The following PIP5K1B variants were observed in gnomAD, a reference collection of about 807,000 sequenced individuals.
PIP5K1B encodes phosphatidylinositol-4-phosphate 5-kinase type 1 beta.
PIP5K1B carries 42 observed loss-of-function variants against 67.0 expected under a neutral mutation model. The observed-to-expected ratio is 0.63, with a 90% CI of 0.49 to 0.81. The LOEUF is 0.81. Ranked by LOEUF, PIP5K1B falls within the 30% of genes least tolerant of loss-of-function variation. The pLI is 0.00. For missense variants in PIP5K1B, 459 were observed against 646.3 expected (o/e 0.71, Z 3.14); for synonymous variants, 214 against 231.4 (o/e 0.92, Z 0.68).
At chr9:68,837,479 A>T (rs184504672) in intron 4 of PIP5K1B, among the ~76,000 whole-genome samples, 12 of 152,122 alleles carry the variant, frequency 7.9e-5, no homozygotes, top group African/African-American at 2.9e-4. Flanking sequence ...TTATTGATTT[A>T]TGTGTATTAT....
At chr9:68,779,559 C>G (rs1587431546) in intron 2 of PIP5K1B, among the ~76,000 whole-genome samples, 1 of 152,326 alleles carries the variant, frequency 6.6e-6, no homozygotes, top group African/African-American at 2.4e-5. Context: ...AAGATAAAGA[C>G]CAGAATGTGG....
At chr9:68,737,241 GTTTAT>G (rs1405277846) in intron 1 of PIP5K1B, among the ~76,000 whole-genome samples, 1 of 152,168 alleles carries the variant, frequency 6.6e-6, no homozygotes, top group Non-Finnish European at 1.5e-5. Context: ...TTATTGGTGT[GTTTAT>G]TTTATTTCCT....
intron 2 of PIP5K1B, chr9:68,781,872 A>G (rs1831306337): frequency 6.0e-6 from 1 of 167,050 alleles, no homozygotes; most frequent in African/African-American, 2.4e-5. Flanking sequence ...CTGCAAACTT[A>G]AAAGTTTTTC....
intron 14 of PIP5K1B, among the ~76,000 whole-genome samples, chr9:68,985,079 C>G (rs1421147027): frequency 1.3e-5 from 2 of 152,098 alleles, no homozygotes; most frequent in African/African-American, 4.8e-5. Flanking sequence ...GAGGTGGGGA[C>G]CCTGCAGCAA....
chr9:68,894,464 C>T lies in PIP5K1B; in HGVS notation c.597C>T (p.His199=). 1 of 1,614,126 alleles carries T rather than the reference C, an allele frequency of 6.2e-7. No individual in the cohort carries two copies. Among genetic ancestry groups the T allele is most frequent in the Non-Finnish European group, 8.5e-7 (1 of 1,180,004 alleles). Reference sequence around the variant, plus strand: ...TTTTGCCACGCTCCATGAGAATGCACTTTACATATGACTTGAAAGGCTCAA... The same window carrying T: ...TTTTGCCACGCTCCATGAGAATGCATTTTACATATGACTTGAAAGGCTCAA... ...NNVLPRSMRM[H]FTYDLKGSTY... The change falls in exon 8 of 16, where the codon CAC becomes CAT. Residue 199 remains histidine, a synonymous_variant. Transcript: ENST00000265382.
intron 14 of PIP5K1B, among the ~76,000 whole-genome samples, chr9:68,957,273 A>G (rs1828452215): frequency 6.6e-6 from 1 of 151,846 alleles, no homozygotes; most frequent in South Asian, 2.1e-4. Flanking sequence ...TCCTCATTGC[A>G]AGGCTTTTTA....
intron 8 of PIP5K1B, among the ~76,000 whole-genome samples, chr9:68,911,376 A>AT (rs1491163083): frequency 2.0e-5 from 1 of 49,712 alleles, no homozygotes; most frequent in Non-Finnish European, 7.1e-5. Flanking sequence ...TCCATCTCAA[A>AT]TAAAAAAAAA....
Position 68,780,561 on chromosome 9 carries a change from T to A in PIP5K1B, c.-85-37900T>A, listed in dbSNP as rs199669989. ...TGACAACGACGTGGAGAAATCCGCC[T>A]CCCCCAAGCGCATCGATTTCATTCC... On this transcript the variant is annotated intron_variant, in intron 2 of 15. Transcript: ENST00000265382. The A allele has an allele frequency of 2.2e-4, 359 of 1,613,980 alleles. 3 individuals carry two copies. Among genetic ancestry groups the A allele is most frequent in the Admixed American group, 6.7e-5 (4 of 59,994 alleles).
chr9:68,869,868 T>A (rs1342320660), intron 5 of PIP5K1B, among the ~76,000 whole-genome samples: 1 of 152,154 alleles, frequency 6.6e-6, no homozygotes. Context: ...CAACTCCTGA[T>A]CTATACAAAC....
At chr9:68,834,138 T>A (rs1018762198) in intron 4 of PIP5K1B, among the ~76,000 whole-genome samples, 3 of 152,234 alleles carry the variant, frequency 2.0e-5, no homozygotes, top group African/African-American at 7.2e-5. Flanking sequence ...TTCTGGTACC[T>A]TCAGAAAATA....
chr9:68,857,720 AG>A (rs1822849549), intron 4 of PIP5K1B, among the ~76,000 whole-genome samples: 1 of 152,152 alleles, frequency 6.6e-6, no homozygotes, highest in Admixed American at 6.5e-5. Context: ...TGAAAAGATT[AG>A]CCAGGCATGG....
intron 2 of PIP5K1B, chr9:68,785,999 C>A (rs116913048): frequency 3.3e-5 from 5 of 152,284 alleles, no homozygotes; most frequent in Non-Finnish European, 7.4e-5. Context: ...CAAAACAAGC[C>A]TTATTCTTCT....
rs78406982 is a variant in PIP5K1B at position 68,757,442 on chromosome 9, G to A, written c.-86+14785G>A. 4.0e-3 allele frequency among the ~76,000 whole-genome samples: 613 copies of A among 152,134 alleles called. 2 individuals are homozygous for A. The highest frequency in any genetic ancestry group is 0.013 in the African/African-American group (534 of 41,516). ...TCATTAAACTTAGCTCTGGTTTATC[G>A]TGACTGAAGAGAACTAGGGGGCTTC... On this transcript the variant is annotated intron_variant, in intron 2 of 15. Transcript: ENST00000265382.
intron 2 of PIP5K1B, among the ~76,000 whole-genome samples, chr9:68,766,585 T>C (rs1334871063): frequency 6.6e-6 from 1 of 152,190 alleles, no homozygotes; most frequent in African/African-American, 2.4e-5. Context: ...TTAATAAACA[T>C]TGCATTATGT....
At chr9:68,846,644 G>A (rs778463863) in intron 4 of PIP5K1B, among the ~76,000 whole-genome samples, 20 of 152,172 alleles carry the variant, frequency 1.3e-4, no homozygotes, top group Non-Finnish European at 2.4e-4. Context: ...TTTGTTCTAT[G>A]TATGATTCCA....
Position 68,876,738 on chromosome 9 carries a change from C to G in PIP5K1B, c.262C>G (p.Pro88Ala). ...AGACTTTAGATTTAAGACATACGCT[C>G]CATTAGCATTCCGATATTTCAGAGA... is the stretch of plus-strand genomic sequence containing the variant. The part of the protein sequence containing the change: ...YPDFRFKTYA[P>A]LAFRYFRELF... Residue 88 changes from proline to alanine, a missense_variant, in exon 6 of 16, where the codon CCA becomes GCA. Pro to Ala is a conservative substitution (Grantham distance 27). Around this residue, in one of 2 missense-constraint regions of PIP5K1B, gnomAD observed 290 missense variants for 474.4 expected, o/e 0.61. Coordinates refer to ENST00000265382, the MANE Select transcript of PIP5K1B (RefSeq NM_003558.4). 6.2e-7 allele frequency: 1 copy of G among 1,611,130 alleles called. No homozygotes were observed. Among genetic ancestry groups the G allele is most frequent in the Non-Finnish European group, 8.5e-7 (1 of 1,177,242 alleles).
At chr9:68,903,622 AG>A (rs1459406407) in intron 8 of PIP5K1B, among the ~76,000 whole-genome samples, 1 of 152,162 alleles carries the variant, frequency 6.6e-6, no homozygotes, top group African/African-American at 2.4e-5. Flanking sequence ...TGCTGAAAGT[AG>A]GGAATGGAAA....
intron 4 of PIP5K1B, among the ~76,000 whole-genome samples, chr9:68,826,855 G>A (rs537419665): frequency 3.3e-5 from 5 of 152,270 alleles, no homozygotes; most frequent in South Asian, 2.1e-4. Context: ...GGGTTCAAGC[G>A]ATTCTCCTGC....
At chr9:68,978,169 C>A (rs1829720221) in intron 14 of PIP5K1B, among the ~76,000 whole-genome samples, 1 of 152,182 alleles carries the variant, frequency 6.6e-6, no homozygotes, top group Non-Finnish European at 1.5e-5. Context: ...ATCAACTCTT[C>A]TAGCAAATCT....
Sources: allele counts gnomAD v4.1 joint callset (sites outside exome capture counted in the v4.1 genomes callset), GRCh38; gene constraint gnomAD v4.1.1; regional missense constraint gnomAD v4.1.1; transcripts MANE v1.5; gene names NCBI Gene and HGNC (gene_info 2026-07-23, HGNC 2026-07-21).